The following INSL6 variants were observed in gnomAD, a reference collection of about 807,000 sequenced individuals.
The protein encoded by INSL6 is insulin like 6, also known as insulin-like peptide INSL6.
INSL6 carries 16 observed loss-of-function variants against 9.4 expected under a neutral mutation model. The ratio of observed to expected loss-of-function variants is 1.70; its 90% CI spans 1.15 to 2.59. The LOEUF is 2.59. INSL6 is among the 30% of genes most tolerant of loss of function. INSL6 has a pLI of 0.00. For synonymous variants in INSL6, 154 were observed against 96.9 expected (o/e 1.59, Z -3.46); for missense variants, 391 against 257.3 (o/e 1.52, Z -3.56).
At chr9:5,166,402 A>C (rs948084274) in intron 1 of INSL6, among the ~76,000 whole-genome samples, 1 of 152,142 alleles carries the variant, frequency 6.6e-6, no homozygotes, top group African/African-American at 2.4e-5. Flanking sequence ...TTTTTATTTA[A>C]TTAAAAAGTT....
the INSL6 span, among the ~76,000 whole-genome samples, chr9:5,062,308 G>T: frequency 1.3e-5 from 2 of 151,588 alleles, no homozygotes; most frequent in Non-Finnish European, 2.9e-5. Flanking sequence ...GTATTCTGAG[G>T]GACAACTGTA....
the INSL6 span, among the ~76,000 whole-genome samples, chr9:5,082,982 C>T: frequency 1.1e-3 from 161 of 152,336 alleles, no homozygotes; most frequent in African/African-American, 3.8e-3. Flanking sequence ...ACACTGATCT[C>T]TCTTTCTTTT....
the INSL6 span, chr9:5,110,233 T>A: frequency 1.3e-5 from 2 of 151,932 alleles, no homozygotes; most frequent in South Asian, 4.2e-4. Context: ...GTAGCAGGAG[T>A]TTTCCTGCTC....
intron 2 of INSL6, among the ~76,000 whole-genome samples, chr9:5,141,453 G>C (rs1824500168): frequency 6.6e-6 from 1 of 152,194 alleles, no homozygotes. Flanking sequence ...CTAATGATCA[G>C]TGATGTTGAG....
the INSL6 span, among the ~76,000 whole-genome samples, chr9:5,044,871 T>A: frequency 6.6e-6 from 1 of 152,180 alleles, no homozygotes; most frequent in Non-Finnish European, 1.5e-5. Flanking sequence ...TTATGGTTTT[T>A]AAAAAAATTT....
the INSL6 span, among the ~76,000 whole-genome samples, chr9:5,053,468 A>T: frequency 2.0e-5 from 3 of 152,064 alleles, no homozygotes; most frequent in Non-Finnish European, 4.4e-5. Flanking sequence ...TTTGTAGCAC[A>T]AAAGTTTTAA....
the INSL6 span, chr9:5,041,965 C>T: frequency 6.9e-5 from 26 of 374,118 alleles, no homozygotes; most frequent in Non-Finnish European, 1.3e-4. Context: ...CCGTGCGGCC[C>T]CTTGGGGAGC....
At chr9:5,174,488 T>C (rs890721226) in intron 1 of INSL6, among the ~76,000 whole-genome samples, 8 of 152,194 alleles carry the variant, frequency 5.3e-5, no homozygotes, top group Admixed American at 4.6e-4. Context: ...TTCCACGATA[T>C]CACACTCTCT....
rs16922743 is a variant in INSL6, at chr9:5,182,842, G to A, written c.289+2472C>T. On this transcript the variant is annotated intron_variant, in intron 1 of 1. Transcript: ENST00000381641. ...TGTCAACTTCATGGTGCCACATTACGGGGTAGGTCTTGGAGATACTGCCTC... is the reference window on the plus strand; with the variant it reads ...TGTCAACTTCATGGTGCCACATTACAGGGTAGGTCTTGGAGATACTGCCTC... Among the ~76,000 whole-genome samples the A allele has an allele frequency of 8.3e-3, 1,271 of 152,234 alleles. 9 individuals carry two copies. Among genetic ancestry groups the A allele is most frequent in the African/African-American group, 0.029 (1,221 of 41,542 alleles).
At chr9:5,018,551 C>G in the INSL6 span, among the ~76,000 whole-genome samples, 2,145 of 152,204 alleles carry the variant, frequency 0.014, 61 homozygotes, top group African/African-American at 0.049. Context: ...GTTGTCCAGG[C>G]TGCTCTTGAA....
At chr9:5,083,053 A>C in the INSL6 span, among the ~76,000 whole-genome samples, 1 of 152,246 alleles carries the variant, frequency 6.6e-6, no homozygotes, top group Non-Finnish European at 1.5e-5. Flanking sequence ...CATCTTCAAG[A>C]GGAAGATGAA....
At chr9:5,018,281 A>G in the INSL6 span, among the ~76,000 whole-genome samples, 1 of 151,878 alleles carries the variant, frequency 6.6e-6, no homozygotes, top group Admixed American at 6.6e-5. Flanking sequence ...TGGGTTTGAT[A>G]CTTTCGTCAT....
intron 2 of INSL6, among the ~76,000 whole-genome samples, chr9:5,134,437 A>G (rs1284274274): frequency 6.6e-6 from 1 of 152,242 alleles, no homozygotes; most frequent in African/African-American, 2.4e-5. Context: ...AAGGGCATCC[A>G]GAGAGAAAGG....
At chr9:5,130,609 G>C (rs1824254918) in intron 3 of INSL6, among the ~76,000 whole-genome samples, 1 of 152,008 alleles carries the variant, frequency 6.6e-6, no homozygotes, top group African/African-American at 2.4e-5. Context: ...TTCATACACA[G>C]ATAATTAAGT....
the INSL6 span, among the ~76,000 whole-genome samples, chr9:5,104,445 G>GA: frequency 6.6e-6 from 1 of 152,144 alleles, no homozygotes; most frequent in Non-Finnish European, 1.5e-5. Flanking sequence ...AAAAGTCCAG[G>GA]ACCAGATGGA....
the INSL6 span, among the ~76,000 whole-genome samples, chr9:5,002,172 A>C: frequency 6.6e-5 from 10 of 151,666 alleles, no homozygotes; most frequent in East Asian, 1.9e-3. Context: ...TATATTATTA[A>C]TTTTTGTTCT....
chr9:5,114,132 G>GGT, the INSL6 span: 1 of 375,780 alleles, frequency 2.7e-6, no homozygotes, highest in Admixed American at 3.4e-5. Context: ...CACCTATCAA[G>GGT]GTAACACCTT....
downstream of INSL6, among the ~76,000 whole-genome samples, chr9:5,162,072 C>CAA (rs59132384): frequency 1.2e-4 from 17 of 136,322 alleles, no homozygotes; most frequent in African/African-American, 4.3e-4. Context: ...GACCCTGCCT[C>CAA]AAAAAAAAAA....
intron 1 of INSL6, among the ~76,000 whole-genome samples, chr9:5,180,659 T>A (rs545779906): frequency 1.3e-5 from 2 of 152,196 alleles, no homozygotes; most frequent in South Asian, 4.2e-4. Flanking sequence ...CCTGGTAAAT[T>A]TGTGGTCAGA....
Sources: allele counts gnomAD v4.1 joint callset (sites outside exome capture counted in the v4.1 genomes callset), GRCh38; gene constraint gnomAD v4.1.1; transcripts MANE v1.5; gene names NCBI Gene and HGNC (gene_info 2026-07-23, HGNC 2026-07-21).